SH3GL1: variants seen among roughly 807,000 people sequenced by gnomAD.
The protein encoded by SH3GL1 is endophilin-A2.
A neutral mutation model predicts 48.8 loss-of-function variants in SH3GL1; 21 were observed. The observed-to-expected ratio is 0.43, with a 90% CI of 0.30 to 0.62. The LOEUF is 0.62. Ranked by LOEUF, SH3GL1 falls within the 20% of genes least tolerant of loss-of-function variation. The pLI, the probability that SH3GL1 is intolerant of heterozygous loss-of-function variation, is 0.11. For synonymous variants in SH3GL1, 282 were observed against 217.5 expected, an observed-to-expected ratio of 1.30 and a Z score of -2.61; for missense variants, 454 against 503.0, an observed-to-expected ratio of 0.90 and a Z score of 0.93.
At chr19:4,362,854 G>A in intron 7 of SH3GL1, 118 bp from the exon 8 acceptor site, 5 of 1,528,350 alleles carry the variant, frequency 3.3e-6, no homozygotes, top group Non-Finnish European at 4.5e-6. Flanking sequence ...GGCCGTCAGT[G>A]GGGTTGTGAC....
chr19:4,396,004 C>T (rs867868428), intron 1 of SH3GL1: 4 of 151,930 alleles, frequency 2.6e-5, no homozygotes, highest in Non-Finnish European at 5.9e-5. Context: ...CTAGCTCCCC[C>T]CTAAAAAAGA....
intron 7 of SH3GL1, 78 bp from the exon 8 acceptor site, chr19:4,362,814 C>T: frequency 1.2e-6 from 2 of 1,603,518 alleles, no homozygotes; most frequent in Non-Finnish European, 1.7e-6. Flanking sequence ...ATGCTGCTGC[C>T]TAATGACCTG....
chr19:4,379,351 A>G (rs1463645869), intron 1 of SH3GL1, among the ~76,000 whole-genome samples: 1 of 151,680 alleles, frequency 6.6e-6, no homozygotes, highest in African/African-American at 2.4e-5. Flanking sequence ...TCTTGAACCC[A>G]GCAGGTGGGG....
chr19:4,400,276 G>T lies in SH3GL1; in HGVS notation c.45+48C>A, dbSNP rs1394905966. 6.3e-7 allele frequency: 1 copy of T among 1,576,034 alleles called. No homozygotes were observed. Among genetic ancestry groups the T allele is most frequent in the Admixed American group, 1.7e-5 (1 of 57,998 alleles). On this transcript the variant is annotated intron_variant, in intron 1 of 9. Coordinates refer to ENST00000269886, the MANE Select transcript of SH3GL1 (RefSeq NM_003025.4). This position sits in a 1 kb window ranked among gnomAD's most constrained non-coding sequence, Gnocchi z 4.1. ...CAGGTCGGGCCTGGCTCCCTCATCC[G>T]GGCAGCCCGGGGCCCGGTACTCGGC...
chr19:4,383,460 C>G (rs575212834), intron 1 of SH3GL1, among the ~76,000 whole-genome samples: 1 of 152,120 alleles, frequency 6.6e-6, no homozygotes, highest in South Asian at 2.1e-4. Flanking sequence ...TCTCAAACTC[C>G]CAGGCTCAAG....
rs1973293413 is a variant in SH3GL1, at chr19:4,389,355, G to A, written c.45+10969C>T. Among the ~76,000 whole-genome samples the A allele has an allele frequency of 1.3e-5, 2 of 152,182 alleles. No homozygotes were observed. Among genetic ancestry groups the A allele is most frequent in the South Asian group, 4.1e-4 (2 of 4,826 alleles). On this transcript the variant is annotated intron_variant, in intron 1 of 9. Transcript: ENST00000269886. The surrounding 1 kb of genome is among the most constrained non-coding windows in gnomAD (Gnocchi z 4.5). ...CACATGCATCCCCGGAAGATGCCAA[G>A]GATAAGGGGAGATAGAAACGCGTTC... is the stretch of plus-strand genomic sequence containing the variant.
chr19:4,393,245 T>G (rs1973368764), intron 1 of SH3GL1, among the ~76,000 whole-genome samples: 1 of 150,906 alleles, frequency 6.6e-6, no homozygotes, highest in Admixed American at 6.6e-5. Context: ...TGGGCAATGG[T>G]GTGAGACTCC....
In SH3GL1 at chr19:4,376,583, T is replaced by C. The variant is rs2144889698; in HGVS notation, c.46-9589A>G. On this transcript the variant is annotated intron_variant, in intron 1 of 9. Transcript: ENST00000269886. This position sits in a 1 kb window ranked among gnomAD's most constrained non-coding sequence, Gnocchi z 4.3. ...CAACACACCACTGATGCCTCCTCTCTCGTGCGCCTGCCCCTTCACACTTCA... is the reference window on the plus strand; with the variant it reads ...CAACACACCACTGATGCCTCCTCTCCCGTGCGCCTGCCCCTTCACACTTCA... Among the ~76,000 whole-genome samples, 2 of 152,146 alleles carry C rather than the reference T, an allele frequency of 1.3e-5. No individual in the cohort carries two copies. Among genetic ancestry groups the C allele is most frequent in the South Asian group, 2.1e-4 (1 of 4,816 alleles).
At chr19:4,373,148 C>CCACAGGTGCCAAGTGACCCT (rs1340046506) in intron 1 of SH3GL1, among the ~76,000 whole-genome samples, 3 of 152,202 alleles carry the variant, frequency 2.0e-5, no homozygotes, top group Admixed American at 6.5e-5. Context: ...CACAGGAGCA[C>CCACAGGTGCCAAGTGACCCT]CACAGGTGCC....
At chr19:4,364,346 A>C in intron 4 of SH3GL1, 125 bp from the exon 5 acceptor site, 10 of 1,257,010 alleles carry the variant, frequency 8.0e-6, no homozygotes, top group Non-Finnish European at 9.0e-6. Flanking sequence ...GTACCAGCTC[A>C]CTGCAGGCCT....
chr19:4,362,925 C>T (rs1036966783), intron 7 of SH3GL1, among the ~76,000 whole-genome samples, 189 bp from the exon 8 acceptor site: 5 of 152,146 alleles, frequency 3.3e-5, no homozygotes, highest in African/African-American at 1.2e-4. Flanking sequence ...CAGCCTGGAC[C>T]CCCACCTTGG....
chr19:4,382,490 C>T (rs995374321), intron 1 of SH3GL1, among the ~76,000 whole-genome samples: 3 of 151,974 alleles, frequency 2.0e-5, no homozygotes, highest in African/African-American at 7.3e-5. Context: ...ATCTCCTGAC[C>T]TCGTGATCCG....
intron 1 of SH3GL1, among the ~76,000 whole-genome samples, chr19:4,394,980 GGTCTGC>G (rs1370613332): frequency 6.6e-6 from 1 of 152,250 alleles, no homozygotes; most frequent in Non-Finnish European, 1.5e-5. Flanking sequence ...CCAAGGAAGG[GGTCTGC>G]GCCATCCCCG....
At position 4,374,540 on chromosome 19, in the gene SH3GL1, C is replaced by T. The variant is rs533715369; in HGVS notation, c.46-7546G>A. 2.6e-5 allele frequency among the ~76,000 whole-genome samples: 4 copies of T among 152,342 alleles called. No individual in the cohort carries two copies. The East Asian group carries it at 7.7e-4, about 29-fold the overall frequency. On this transcript the variant is annotated intron_variant, in intron 1 of 9. Transcript: ENST00000269886. Reference sequence around the variant, plus strand: ...GGAACCCTGTGCAGGGCCTGCATCCCGGAAGGCCTCCACCAGCCCGAACCT... The same window carrying T: ...GGAACCCTGTGCAGGGCCTGCATCCTGGAAGGCCTCCACCAGCCCGAACCT...
At chr19:4,393,948 CAG>C (rs1973382487) in intron 1 of SH3GL1, among the ~76,000 whole-genome samples, 1 of 151,952 alleles carries the variant, frequency 6.6e-6, no homozygotes, top group African/African-American at 2.4e-5. Context: ...GATCCCCCGG[CAG>C]ACAGTCCTCC....
intron 9 of SH3GL1, 98 bp from the exon 10 acceptor site, chr19:4,361,894 C>T: frequency 1.1e-6 from 1 of 875,720 alleles, no homozygotes; most frequent in South Asian, 1.5e-5. Flanking sequence ...TGTGGGTGGG[C>T]ATGGGCCTCC....
chr19:4,397,508 G>A (rs192177956), intron 1 of SH3GL1, among the ~76,000 whole-genome samples: 1 of 152,330 alleles, frequency 6.6e-6, no homozygotes, highest in African/African-American at 2.4e-5. Flanking sequence ...GGCCCTGATC[G>A]CTGGGAGTGG....
chr19:4,375,823 C>T (rs1394088030), intron 1 of SH3GL1, among the ~76,000 whole-genome samples: 5 of 152,230 alleles, frequency 3.3e-5, no homozygotes, highest in Non-Finnish European at 7.3e-5. Flanking sequence ...CCTGAGGCTC[C>T]GCCTGGCAGG....
chr19:4,389,791 C>T lies in SH3GL1; in HGVS notation c.45+10533G>A, dbSNP rs529909867. ...AGCAATGAGCACAAATGCCTGGCTC[C>T]GGCGGCAATGGGCTCATATTCCAGT... On this transcript the variant is annotated intron_variant, in intron 1 of 9. Transcript: ENST00000269886. This position sits in a 1 kb window ranked among gnomAD's most constrained non-coding sequence, Gnocchi z 4.5. Among the ~76,000 whole-genome samples, 21 of 152,314 alleles carry T rather than the reference C, an allele frequency of 1.4e-4. No homozygotes were observed. In the East Asian group the frequency reaches 4.0e-3, roughly 29 times the overall value.
Sources: allele counts gnomAD v4.1 joint callset (sites outside exome capture counted in the v4.1 genomes callset), GRCh38; gene constraint gnomAD v4.1.1; non-coding constraint Gnocchi (gnomAD v3.1); transcripts MANE v1.5; gene names NCBI Gene and HGNC (gene_info 2026-07-23, HGNC 2026-07-21).